The following THRB variants were observed in gnomAD, a reference collection of about 807,000 sequenced individuals.
THRB encodes thyroid hormone receptor beta.
A neutral mutation model predicts 47.8 loss-of-function variants in THRB; 12 were observed. The observed-to-expected ratio is 0.25, with a 90% CI of 0.16 to 0.41. THRB has a LOEUF of 0.41. Ranked by LOEUF, THRB falls within the 10% of genes least tolerant of loss-of-function variation. The probability of loss-of-function intolerance (pLI) is 1.00; values close to 1 mark genes in which losing one functional copy is unlikely to be tolerated. For synonymous variants in THRB, 218 were observed against 212.2 expected (o/e 1.03, Z -0.24); for missense variants, 348 against 589.2 (o/e 0.59, Z 4.24).
intron 4 of THRB, among the ~76,000 whole-genome samples, chr3:24,207,179 C>G (rs57101423): frequency 1.1e-3 from 165 of 151,996 alleles, no homozygotes; most frequent in African/African-American, 3.9e-3. Context: ...AAAGCCTGGC[C>G]GAGACACAAC....
At chr3:24,165,330 A>G (rs954544344) in intron 5 of THRB, 2 of 764,466 alleles carry the variant, frequency 2.6e-6, no homozygotes, top group Non-Finnish European at 2.4e-6. Context: ...TGCACTTCAT[A>G]TATTTCTTGC....
At chr3:24,370,351 A>T (rs2064813795) in intron 1 of THRB, among the ~76,000 whole-genome samples, 1 of 151,730 alleles carries the variant, frequency 6.6e-6, no homozygotes, top group Non-Finnish European at 1.5e-5. Context: ...TTTCTGGCAT[A>T]CTCCCTTACT....
intron 5 of THRB, among the ~76,000 whole-genome samples, chr3:24,173,991 T>A (rs1488034172): frequency 1.3e-5 from 2 of 152,200 alleles, no homozygotes; most frequent in Non-Finnish European, 2.9e-5. Context: ...ATCACAATAG[T>A]CCTACAGCAG....
chr3:24,274,331 C>T (rs930615605), intron 3 of THRB, among the ~76,000 whole-genome samples: 3 of 152,022 alleles, frequency 2.0e-5, no homozygotes, highest in Admixed American at 6.6e-5. Flanking sequence ...AATTATAGAA[C>T]GTTCAGAACA....
chr3:24,194,414 C>T (rs190280427), intron 4 of THRB, among the ~76,000 whole-genome samples: 9 of 152,134 alleles, frequency 5.9e-5, no homozygotes, highest in Admixed American at 2.0e-4. Flanking sequence ...AATTATGAAC[C>T]GTTTACTCTT....
At chr3:24,204,292 C>A (rs1263625463) in intron 4 of THRB, among the ~76,000 whole-genome samples, 1 of 152,242 alleles carries the variant, frequency 6.6e-6, no homozygotes, top group Non-Finnish European at 1.5e-5. Context: ...CTGGGTAACC[C>A]TCTAAGACAA....
chr3:24,461,428 A>G (rs892760724), intron 1 of THRB, among the ~76,000 whole-genome samples: 1 of 152,238 alleles, frequency 6.6e-6, no homozygotes, highest in Non-Finnish European at 1.5e-5. Flanking sequence ...TGCTACTCTT[A>G]GTACTGTTAG....
At chr3:24,186,779 C>T (rs2042627202) in intron 5 of THRB, among the ~76,000 whole-genome samples, 1 of 151,910 alleles carries the variant, frequency 6.6e-6, no homozygotes, top group South Asian at 2.1e-4. Flanking sequence ...AATCCTGTCT[C>T]TACTAAAAAT....
chr3:24,279,374 T>A (rs895946987), intron 3 of THRB, among the ~76,000 whole-genome samples: 1 of 151,952 alleles, frequency 6.6e-6, no homozygotes, highest in Non-Finnish European at 1.5e-5. Context: ...TCCTCAAGCA[T>A]TGCAATGAGT....
chr3:24,424,241 G>A (rs2069545198), intron 1 of THRB, among the ~76,000 whole-genome samples: 1 of 151,772 alleles, frequency 6.6e-6, no homozygotes, highest in African/African-American at 2.4e-5. Context: ...TTCTGGGGCG[G>A]ACATCAGGCA....
chr3:24,233,135 T>C (rs2048418187), intron 3 of THRB, among the ~76,000 whole-genome samples: 1 of 152,086 alleles, frequency 6.6e-6, no homozygotes. Context: ...ACACACAAAG[T>C]GTGTTTGTAT....
intron 1 of THRB, among the ~76,000 whole-genome samples, chr3:24,367,508 T>G (rs112850677): frequency 0.021 from 3,125 of 152,272 alleles, 43 homozygotes; most frequent in African/African-American, 0.038. Flanking sequence ...CACAGTCTAG[T>G]AAGCTAGCCT....
At chr3:24,375,647 C>T (rs1233880473) in intron 1 of THRB, among the ~76,000 whole-genome samples, 3 of 151,250 alleles carry the variant, frequency 2.0e-5, no homozygotes, top group African/African-American at 4.9e-5. Flanking sequence ...TTCTTAGACC[C>T]CCCCAGACTA....
intron 2 of THRB, among the ~76,000 whole-genome samples, chr3:24,334,878 A>G (rs1413649379): frequency 6.6e-6 from 1 of 152,226 alleles, no homozygotes. Flanking sequence ...CATAGTTAAA[A>G]GCGTAGAATT....
In THRB at chr3:24,287,060, A is replaced by G. The variant is rs183515870; in HGVS notation, c.-43+10166T>C. 1.4e-3 allele frequency among the ~76,000 whole-genome samples: 213 copies of G among 152,324 alleles called. 6 individuals are homozygous for G. Among genetic ancestry groups the G allele is most frequent in the Admixed American group, 0.012 (189 of 15,300 alleles). ...ACTCAAGCAACCTTTTGAAGGCCCC[A>G]AAGCTTGTGGAAATCCAGGCTTTTG... is the stretch of plus-strand genomic sequence containing the variant. On this transcript the variant is annotated intron_variant, in intron 3 of 10. Coordinates refer to ENST00000646209, the MANE Select transcript of THRB (RefSeq NM_001354712.2).
intron 1 of THRB, among the ~76,000 whole-genome samples, chr3:24,464,762 T>A (rs1396394993): frequency 6.6e-6 from 1 of 152,188 alleles, no homozygotes. Context: ...AGGTTTGGAG[T>A]CAAACATTTT....
At chr3:24,234,709 A>G (rs2048690054) in intron 3 of THRB, among the ~76,000 whole-genome samples, 1 of 152,202 alleles carries the variant, frequency 6.6e-6, no homozygotes, top group Non-Finnish European at 1.5e-5. Flanking sequence ...GGCACTGAAG[A>G]GACTGTAATT....
At chr3:24,168,348 AGGT>A (rs1402068129) in intron 5 of THRB, among the ~76,000 whole-genome samples, 1 of 152,024 alleles carries the variant, frequency 6.6e-6, no homozygotes, top group African/African-American at 2.4e-5. Context: ...AGCTTCAGTG[AGGT>A]TGTTGTCTTA....
intron 3 of THRB, among the ~76,000 whole-genome samples, chr3:24,261,508 AAAAAAAAAAACC>A (rs2052011528): frequency 6.7e-6 from 1 of 150,240 alleles, no homozygotes; most frequent in African/African-American, 2.5e-5. Context: ...AAAAAAAAAA[AAAAAAAAAAACC>A]AAAAAAAACT....
Sources: allele counts gnomAD v4.1 joint callset (sites outside exome capture counted in the v4.1 genomes callset), GRCh38; gene constraint gnomAD v4.1.1; transcripts MANE v1.5; gene names NCBI Gene and HGNC (gene_info 2026-07-23, HGNC 2026-07-21).